CCDC7: variants seen among roughly 807,000 people sequenced by gnomAD.
The protein encoded by CCDC7 is coiled-coil domain-containing protein 7.
In CCDC7, 183 loss-of-function variants were observed where a neutral mutation model predicts 196.9. The observed-to-expected ratio is 0.93, with a 90% CI of 0.82 to 1.05. The LOEUF (loss-of-function observed/expected upper bound fraction) is 1.05. Among genes scored for constraint, CCDC7 ranks in the 50% least tolerant of loss-of-function variants. The pLI is 0.00. For synonymous variants in CCDC7, 525 were observed against 484.6 expected (o/e 1.08, Z -1.10); for missense variants, 1,540 against 1,482.2 (o/e 1.04, Z -0.64).
chr10:32,500,239 G>A (rs1413571640), intron 9 of CCDC7, among the ~76,000 whole-genome samples: 7 of 148,456 alleles, frequency 4.7e-5, no homozygotes, highest in Admixed American at 6.7e-5. Flanking sequence ...GCTGCCCCCC[G>A]ACCTCCTGGA....
intron 20 of CCDC7, among the ~76,000 whole-genome samples, chr10:32,662,049 G>A (rs184505075): frequency 6.6e-6 from 1 of 152,128 alleles, no homozygotes; most frequent in East Asian, 1.9e-4. Flanking sequence ...CAACAGCAGG[G>A]ATATGCAATT....
At chr10:32,485,533 C>G (rs550059096) in intron 8 of CCDC7, among the ~76,000 whole-genome samples, 2 of 152,246 alleles carry the variant, frequency 1.3e-5, no homozygotes, top group East Asian at 3.9e-4. Flanking sequence ...TTGCCTTCTG[C>G]TAGCTTTTGA....
At chr10:32,834,501 G>A (rs1472281151) in intron 32 of CCDC7, among the ~76,000 whole-genome samples, 1 of 152,046 alleles carries the variant, frequency 6.6e-6, no homozygotes, top group Admixed American at 6.6e-5. Flanking sequence ...GCATTGTATG[G>A]AAGAAAGCAC....
intron 11 of CCDC7, among the ~76,000 whole-genome samples, chr10:32,536,712 AATCC>A (rs2050564710): frequency 6.6e-6 from 1 of 152,102 alleles, no homozygotes; most frequent in African/African-American, 2.4e-5. Flanking sequence ...CCTCTCCTAG[AATCC>A]ATGTGGTCTT....
rs1446123476 is a variant in CCDC7, at chr10:32,763,674, A to G, written c.2906-15303A>G. On this transcript the variant is annotated intron_variant, in intron 28 of 41. Transcript: ENST00000639629. ...TAAAAAGGAGATACTACCATTCTCA[A>G]CAACATGAATGAACCTGGAAGACAT... Among the ~76,000 whole-genome samples the G allele has an allele frequency of 3.3e-5, 5 of 152,084 alleles. No individual in the cohort carries two copies. The East Asian group carries it at 9.7e-4, about 29-fold the overall frequency.
intron 41 of CCDC7, among the ~76,000 whole-genome samples, chr10:32,867,963 T>C (rs1440057635): frequency 6.6e-6 from 1 of 151,920 alleles, no homozygotes; most frequent in African/African-American, 2.4e-5. Flanking sequence ...ATTCTACTTT[T>C]TGTCTCTATA....
At chr10:32,877,262 T>C (rs895719710), downstream of CCDC7, 1 of 152,042 alleles carries the variant, frequency 6.6e-6, no homozygotes, top group Non-Finnish European at 1.5e-5. Context: ...AATGAAACTG[T>C]CAAGAGAAAA....
At chr10:32,608,103 T>C (rs2061716378) in intron 18 of CCDC7, among the ~76,000 whole-genome samples, 2 of 152,122 alleles carry the variant, frequency 1.3e-5, no homozygotes, top group Admixed American at 6.5e-5. Context: ...CATATAGTTT[T>C]TCATAGTCGT....
chr10:32,457,229 T>G (rs2034552589), intron 3 of CCDC7, among the ~76,000 whole-genome samples: 1 of 152,130 alleles, frequency 6.6e-6, no homozygotes, highest in South Asian at 2.1e-4. Context: ...ATTTGCATAT[T>G]GGCAAGAACA....
intron 11 of CCDC7, among the ~76,000 whole-genome samples, chr10:32,527,983 G>T (rs1241027575): frequency 1.3e-5 from 2 of 152,054 alleles, no homozygotes; most frequent in Non-Finnish European, 2.9e-5. Context: ...CTCAAATAAT[G>T]TATGTTAACA....
chr10:32,731,557 T>TAA (rs2083971874), intron 28 of CCDC7, among the ~76,000 whole-genome samples: 1 of 152,224 alleles, frequency 6.6e-6, no homozygotes, highest in Non-Finnish European at 1.5e-5. Context: ...AAAAACTTTT[T>TAA]AAAATGTGAA....
intron 41 of CCDC7, among the ~76,000 whole-genome samples, chr10:32,862,766 T>A (rs2094053250): frequency 6.6e-6 from 1 of 152,048 alleles, no homozygotes; most frequent in Non-Finnish European, 1.5e-5. Context: ...CAACATGATC[T>A]TATATATAGG....
chr10:32,593,710 T>G (rs1487731993), intron 18 of CCDC7, among the ~76,000 whole-genome samples: 1 of 152,220 alleles, frequency 6.6e-6, no homozygotes, highest in Non-Finnish European at 1.5e-5. Context: ...TAATCCATCT[T>G]GAATTGATTT....
At chr10:32,480,280 C>A (rs558254616) in intron 8 of CCDC7, among the ~76,000 whole-genome samples, 1 of 150,942 alleles carries the variant, frequency 6.6e-6, no homozygotes, top group Non-Finnish European at 1.5e-5. Context: ...TGTGACATTA[C>A]GTTATTTGAG....
chr10:32,511,922 T>C (rs562844421), intron 9 of CCDC7: 8 of 589,930 alleles, frequency 1.4e-5, no homozygotes, highest in African/African-American at 9.3e-5. Context: ...GGATAAAATA[T>C]AGAAACTAGG....
chr10:32,616,800 A>T (rs1388914348), intron 18 of CCDC7, among the ~76,000 whole-genome samples: 1 of 151,812 alleles, frequency 6.6e-6, no homozygotes, highest in Non-Finnish European at 1.5e-5. Context: ...TGGATTTGTC[A>T]TATATTACCT....
At chr10:32,876,985 T>C (rs1337087499), downstream of CCDC7, 2 of 152,100 alleles carry the variant, frequency 1.3e-5, no homozygotes, top group Non-Finnish European at 2.9e-5. Flanking sequence ...TTGCAGAATA[T>C]TCTTTTATGC....
chr10:32,444,850 G>GTTTTTTTTTT (rs59116319), upstream of CCDC7, among the ~76,000 whole-genome samples: 1 of 140,272 alleles, frequency 7.1e-6, no homozygotes. Flanking sequence ...ATGCCTTCAT[G>GTTTTTTTTTT]TTTTTTTTTT....
chr10:32,639,838 C>T (rs530711155), intron 20 of CCDC7, among the ~76,000 whole-genome samples: 6 of 152,138 alleles, frequency 3.9e-5, no homozygotes, highest in African/African-American at 1.4e-4. Context: ...ACCATGGTCT[C>T]GATCTCCTGA....
Sources: allele counts gnomAD v4.1 joint callset (sites outside exome capture counted in the v4.1 genomes callset), GRCh38; gene constraint gnomAD v4.1.1; transcripts MANE v1.5; gene names NCBI Gene and HGNC (gene_info 2026-07-23, HGNC 2026-07-21).